Variants in ANKRD10 observed in about 807,000 individuals in gnomAD.
ANKRD10 encodes ankyrin repeat domain-containing protein 10.
Under a neutral mutation model 27.0 loss-of-function variants are expected in ANKRD10, and 14 were observed. The observed-to-expected ratio is 0.52, with a 90% confidence interval of 0.34 to 0.81. The LOEUF is 0.81. Among genes scored for constraint, ANKRD10 ranks in the 40% least tolerant of loss-of-function variants. The pLI is 0.01. For synonymous variants in ANKRD10, 250 were observed against 224.5 expected, an observed-to-expected ratio of 1.11 and a Z score of -1.01; for missense variants, 493 against 544.0, an observed-to-expected ratio of 0.91 and a Z score of 0.93.
At chr13:110,892,865 A>T (rs2065119474) in intron 4 of ANKRD10, 163 bp downstream of exon 4, 1 of 1,425,276 alleles carries the variant, frequency 7.0e-7, no homozygotes, top group South Asian at 1.6e-5. Context: ...CCATCTTCGC[A>T]GTGGCAGTAC....
intron 5 of ANKRD10, among the ~76,000 whole-genome samples, chr13:110,881,529 T>G (rs200437675): frequency 1.3e-3 from 2 of 1,482 alleles, no homozygotes; most frequent in Non-Finnish European, 0.028. Flanking sequence ...GGACAATAGA[T>G]TTTTTTTCCC....
intron 3 of ANKRD10, among the ~76,000 whole-genome samples, chr13:110,902,414 T>C (rs1233550770): frequency 6.6e-6 from 1 of 152,140 alleles, no homozygotes; most frequent in Non-Finnish European, 1.5e-5. Context: ...ACTAAGACAA[T>C]TCCATTTTAA....
intron 2 of ANKRD10, among the ~76,000 whole-genome samples, chr13:110,910,139 A>G (rs2065654234): frequency 1.3e-5 from 2 of 152,252 alleles, no homozygotes; most frequent in Admixed American, 1.3e-4. Context: ...ATGTTTAAAT[A>G]CCAAGTCCTC....
chr13:110,892,891 C>T (rs963617960), intron 4 of ANKRD10, 137 bp downstream of exon 4: 17 of 1,443,868 alleles, frequency 1.2e-5, no homozygotes, highest in South Asian at 4.5e-5. Flanking sequence ...AAATCTCCAC[C>T]GTCACCGCAC....
chr13:110,898,614 G>C (rs955287295), intron 3 of ANKRD10, among the ~76,000 whole-genome samples: 8 of 152,014 alleles, frequency 5.3e-5, no homozygotes, highest in Non-Finnish European at 7.4e-5. Context: ...CCATCACCCA[G>C]GCTGGAGTGC....
Position 110,909,518 on chromosome 13 carries a change from C to G in ANKRD10, c.363+1100G>C, listed in dbSNP as rs1594636521. On this transcript the variant is annotated intron_variant, in intron 2 of 5. Coordinates refer to ENST00000267339, the MANE Select transcript of ANKRD10 (RefSeq NM_017664.4). ...GGAGATGGAAGGAGAGAAGTGGCAG[C>G]ACAACCTTAAAACTTGTCCCATATC... Among the ~76,000 whole-genome samples, 3 of 152,196 alleles carry G rather than the reference C, an allele frequency of 2.0e-5. No homozygotes were observed. The South Asian group carries it at 6.2e-4, about 32-fold the overall frequency.
chr13:110,888,066 C>T (rs979315991), intron 4 of ANKRD10, among the ~76,000 whole-genome samples: 3 of 152,080 alleles, frequency 2.0e-5, no homozygotes, highest in South Asian at 2.1e-4. Context: ...TCGCGGGACC[C>T]GCCAGGGCCC....
chr13:110,893,480 C>G (rs1227555164), intron 3 of ANKRD10, among the ~76,000 whole-genome samples: 1 of 152,196 alleles, frequency 6.6e-6, no homozygotes, highest in Non-Finnish European at 1.5e-5. Context: ...ACTAAATATG[C>G]TAAACTTCTA....
At chr13:110,902,686 A>G (rs912910865) in intron 3 of ANKRD10, among the ~76,000 whole-genome samples, 1 of 152,236 alleles carries the variant, frequency 6.6e-6, no homozygotes. Flanking sequence ...CACAGAATAA[A>G]TGGCTTCTCA....
At chr13:110,904,545 CTGTT>C (rs1182692717) in intron 3 of ANKRD10, among the ~76,000 whole-genome samples, 20 of 152,132 alleles carry the variant, frequency 1.3e-4, no homozygotes, top group Non-Finnish European at 2.1e-4. Context: ...TAATTATCCA[CTGTT>C]TGAATAAATG....
chr13:110,890,891 A>C (rs188437331), intron 4 of ANKRD10, among the ~76,000 whole-genome samples: 1 of 152,326 alleles, frequency 6.6e-6, no homozygotes, highest in African/African-American at 2.4e-5. Flanking sequence ...AAACCCCCAA[A>C]GTCAGCAGGA....
chr13:110,886,338 G>GATA (rs1379375927), intron 4 of ANKRD10, among the ~76,000 whole-genome samples: 1 of 152,192 alleles, frequency 6.6e-6, no homozygotes, highest in African/African-American at 2.4e-5. Context: ...AATAAAGCAG[G>GATA]ATAAGAATGA....
chr13:110,906,801 T>C lies in ANKRD10; in HGVS notation c.364-677A>G, dbSNP rs942837744. 9.9e-5 allele frequency among the ~76,000 whole-genome samples: 15 copies of C among 151,988 alleles called. 1 individual carries two copies. The highest frequency in any genetic ancestry group is 9.2e-4 in the Admixed American group (14 of 15,260). ...CCAAGCTTCATAAGAATGAAATTCCTGGTTCAGAAAGTGCAGAGGGGGTGG... is the reference window on the plus strand; with the variant it reads ...CCAAGCTTCATAAGAATGAAATTCCCGGTTCAGAAAGTGCAGAGGGGGTGG... On this transcript the variant is annotated intron_variant, in intron 2 of 5. Transcript: ENST00000267339.
chr13:110,910,537 G>A, intron 2 of ANKRD10, 81 bp downstream of exon 2: 7 of 1,522,092 alleles, frequency 4.6e-6, no homozygotes, highest in Middle Eastern at 1.7e-4. Context: ...TTAAGGCCTC[G>A]ATTTAAAGCA....
chr13:110,910,788 G>C lies in ANKRD10; in HGVS notation c.211-18C>G. On this transcript the variant is annotated intron_variant, in intron 1 of 5. Transcript: ENST00000267339. ...CACTCCAACTTCGAAAACAAGAGGGGTAATGAAAACACGCAGACATGTCAG... is the reference window on the plus strand; with the variant it reads ...CACTCCAACTTCGAAAACAAGAGGGCTAATGAAAACACGCAGACATGTCAG... 1 of 1,609,952 alleles carries C rather than the reference G, an allele frequency of 6.2e-7. No individual in the cohort carries two copies. Among genetic ancestry groups the C allele is most frequent in the Non-Finnish European group, 8.5e-7 (1 of 1,177,980 alleles).
At chr13:110,882,370 A>G (rs2064836974) in intron 5 of ANKRD10, among the ~76,000 whole-genome samples, 1 of 152,236 alleles carries the variant, frequency 6.6e-6, no homozygotes, top group Admixed American at 6.5e-5. Context: ...ATGTCCCACA[A>G]GGAAAGCCTC....
intron 1 of ANKRD10, among the ~76,000 whole-genome samples, chr13:110,913,845 A>C (rs901766068): frequency 6.6e-6 from 1 of 152,202 alleles, no homozygotes; most frequent in Non-Finnish European, 1.5e-5. Context: ...GTGAAATCTT[A>C]TTTAAGATTT....
Position 110,910,486 on chromosome 13 carries a change from T to A in ANKRD10, c.363+132A>T, listed in dbSNP as rs1450576228. 5 of 1,189,230 alleles carry A rather than the reference T, an allele frequency of 4.2e-6. No homozygotes were observed. The East Asian group carries it at 1.2e-4, about 28-fold the overall frequency. The allele number at this position is 1,189,230 out of a possible 1,614,324, so 73.7% of individuals were successfully genotyped here. A position where few individuals can be genotyped will look rare whatever the true frequency, so the allele number is the denominator to read the frequency against. ...TCCTCCACAAACAACTGAAGAAACA[T>A]AAATTCCAGTCTGCCCTCAGGTAAA... On this transcript the variant is annotated intron_variant, in intron 2 of 5. Coordinates refer to ENST00000267339, the MANE Select transcript of ANKRD10 (RefSeq NM_017664.4).
At chr13:110,914,218 C>T (rs1188999158) in intron 1 of ANKRD10, among the ~76,000 whole-genome samples, 2 of 152,176 alleles carry the variant, frequency 1.3e-5, no homozygotes, top group Non-Finnish European at 2.9e-5. Flanking sequence ...ACTGGCGAGG[C>T]TGTGCGGAAC....
Sources: allele counts gnomAD v4.1 joint callset (sites outside exome capture counted in the v4.1 genomes callset), GRCh38; gene constraint gnomAD v4.1.1; transcripts MANE v1.5; gene names NCBI Gene and HGNC (gene_info 2026-07-23, HGNC 2026-07-21).